The following NOL4L variants were observed in gnomAD, a reference collection of about 807,000 sequenced individuals.
The protein encoded by NOL4L is nucleolar protein 4 like.
Under a neutral mutation model 64.5 loss-of-function variants are expected in NOL4L, and 7 were observed. The ratio of observed to expected loss-of-function variants is 0.11; its 90% confidence interval spans 0.06 to 0.20. The LOEUF is 0.20. Ranked by LOEUF, NOL4L falls within the 10% of genes least tolerant of loss-of-function variation. The probability of loss-of-function intolerance (pLI) is 1.00; values close to 1 mark genes in which losing one functional copy is unlikely to be tolerated. For missense variants in NOL4L, 680 were observed against 967.1 expected, an observed-to-expected ratio of 0.70 and a Z score of 3.94; for synonymous variants, 413 against 401.0, an observed-to-expected ratio of 1.03 and a Z score of -0.36.
At chr20:32,485,230 A>T (rs2016038228) in intron 4 of NOL4L, among the ~76,000 whole-genome samples, 1 of 152,164 alleles carries the variant, frequency 6.6e-6, no homozygotes, top group Non-Finnish European at 1.5e-5. Context: ...AGACAGCCAC[A>T]GCGATTGTTT....
intron 2 of NOL4L, among the ~76,000 whole-genome samples, chr20:32,521,960 G>T (rs2017955990): frequency 1.3e-5 from 2 of 152,276 alleles, no homozygotes. Context: ...TTGGCCAAGG[G>T]TGAGGGGCTG....
chr20:32,496,187 G>C (rs1292548454), intron 4 of NOL4L, among the ~76,000 whole-genome samples: 1 of 152,158 alleles, frequency 6.6e-6, no homozygotes. Context: ...CCCCACTGCT[G>C]TTCCTACCCC....
intron 5 of NOL4L, among the ~76,000 whole-genome samples, chr20:32,468,917 A>AAAGAAAGAAAG (rs60432370): frequency 9.1e-6 from 1 of 109,760 alleles, no homozygotes; most frequent in African/African-American, 3.9e-5. Flanking sequence ...AAAAAAAAAA[A>AAAGAAAGAAAG]AAAGAAAGAA....
chr20:32,505,740 G>T (rs978413845), intron 4 of NOL4L, among the ~76,000 whole-genome samples: 3 of 152,130 alleles, frequency 2.0e-5, no homozygotes, highest in Admixed American at 2.0e-4. Flanking sequence ...AAGGAATAAA[G>T]TTCTGACACA....
At chr20:32,475,655 G>T (rs1275308505) in intron 4 of NOL4L, among the ~76,000 whole-genome samples, 2 of 152,238 alleles carry the variant, frequency 1.3e-5, no homozygotes, top group African/African-American at 4.8e-5. Context: ...GTAAAACCAA[G>T]AAAGATGACC....
At chr20:32,578,108 AAAGGAAGGAAGGAAGG>A (rs1333476438) in intron 1 of NOL4L, among the ~76,000 whole-genome samples, 1 of 88,282 alleles carries the variant, frequency 1.1e-5, no homozygotes, top group Non-Finnish European at 2.0e-5. Flanking sequence ...AGAAAGAGAG[AAAGGAAGGAAGGAAGG>A]AAGGAAGGAA....
chr20:32,452,203 G>A (rs1222043897), intron 10 of NOL4L, 33 bp downstream of exon 10: 2 of 1,489,012 alleles, frequency 1.3e-6, no homozygotes, highest in Non-Finnish European at 1.8e-6. Flanking sequence ...GGTGCTGGTC[G>A]GGAAGCCAGA....
At chr20:32,569,496 A>C (rs1002624717) in intron 1 of NOL4L, among the ~76,000 whole-genome samples, 5 of 152,194 alleles carry the variant, frequency 3.3e-5, no homozygotes, top group African/African-American at 1.2e-4. Flanking sequence ...GAGCTGGGGT[A>C]GGAGGTAGTG....
In NOL4L at chr20:32,474,601, C is replaced by T. The variant is rs778775343; in HGVS notation, c.841G>A (p.Asp281Asn). ...TCAACTGCCACCAAGGGGCACTCAC[C>T]GTCCTCTTGACTGTGGAGGTTCTGC... The part of the protein sequence containing the change: ...SPQNLHSQED[D>N]DSSSESGSGN... The change falls in exon 5 of 11, where the codon GAT becomes AAT. Residue 281 changes from aspartate to asparagine, a missense_variant and splice_region_variant. By Grantham distance (23) the Asp-to-Asn change is conservative. This residue lies in a region of NOL4L where 254 missense variants were observed against 238.7 expected (regional missense o/e 1.06). Transcript: ENST00000621426. 5.0e-6 allele frequency: 8 copies of T among 1,609,520 alleles called. No homozygotes were observed. The highest frequency in any genetic ancestry group is 1.7e-5 in the Admixed American group (1 of 59,810).
Position 32,447,676 on chromosome 20 carries a change from T to C in NOL4L, c.1963A>G (p.Ile655Val), listed in dbSNP as rs754219166. ...PTEISAVRQL[I>V]AGYRESAAFL... ...GCAGCAGACTCCCGGTAGCCCGCGATGAGCTGCCGCACGGCGCTGATCTCC... is the reference window on the plus strand; with the variant it reads ...GCAGCAGACTCCCGGTAGCCCGCGACGAGCTGCCGCACGGCGCTGATCTCC... Residue 655 changes from isoleucine to valine, a missense_variant, in exon 11 of 11, where the codon ATC becomes GTC. Coordinates refer to ENST00000621426, the MANE Select transcript of NOL4L (RefSeq NM_001256798.2). The C allele has an allele frequency of 1.2e-6, 2 of 1,611,882 alleles. No individual in the cohort carries two copies. Among genetic ancestry groups the C allele is most frequent in the Admixed American group, 3.3e-5 (2 of 59,922 alleles).
At chr20:32,472,669 G>A (rs1163501602) in intron 5 of NOL4L, among the ~76,000 whole-genome samples, 2 of 152,154 alleles carry the variant, frequency 1.3e-5, no homozygotes, top group African/African-American at 2.4e-5. Flanking sequence ...CAGGCCCACA[G>A]GCCCAGAAGA....
At chr20:32,554,633 G>A (rs1978536907) in intron 1 of NOL4L, among the ~76,000 whole-genome samples, 1 of 152,110 alleles carries the variant, frequency 6.6e-6, no homozygotes, top group Non-Finnish European at 1.5e-5. Context: ...CCTCTCCTGG[G>A]AAACCCCCCA....
chr20:32,474,505 G>A (rs754923441), intron 5 of NOL4L, 96 bp downstream of exon 5: 36 of 1,420,754 alleles, frequency 2.5e-5, no homozygotes, highest in South Asian at 2.9e-5. Flanking sequence ...CCCAGATTCC[G>A]CCACCCTGGA....
chr20:32,518,791 T>G (rs1030383551), intron 3 of NOL4L, among the ~76,000 whole-genome samples: 4 of 151,836 alleles, frequency 2.6e-5, no homozygotes, highest in African/African-American at 9.7e-5. Flanking sequence ...GGGTGGAGAG[T>G]GGGGCAGGGA....
Position 32,569,955 on chromosome 20 carries a change from T to C in NOL4L, c.321+14615A>G, listed in dbSNP as rs541668005. ...CCCTGTATCATTTGCCGGTAGTTTC[T>C]TGTGTTAGTCTGAGTTCCTTAAAAT... On this transcript the variant is annotated intron_variant, in intron 1 of 10. Coordinates refer to ENST00000621426, the MANE Select transcript of NOL4L (RefSeq NM_001256798.2). 4.6e-5 allele frequency among the ~76,000 whole-genome samples: 7 copies of C among 152,312 alleles called. No individual in the cohort carries two copies. In the East Asian group the frequency reaches 1.4e-3, roughly 29 times the overall value.
At chr20:32,506,023 G>T (rs773012958) in intron 4 of NOL4L, among the ~76,000 whole-genome samples, 2 of 152,148 alleles carry the variant, frequency 1.3e-5, no homozygotes, top group Non-Finnish European at 2.9e-5. Context: ...ATACTTAAAC[G>T]TGGTTAAAAT....
chr20:32,560,561 CA>C (rs1978947301), intron 1 of NOL4L, among the ~76,000 whole-genome samples: 1 of 152,228 alleles, frequency 6.6e-6, no homozygotes, highest in Admixed American at 6.5e-5. Flanking sequence ...ATGTGGCAGG[CA>C]CTGTGCCTAA....
At position 32,445,237 on chromosome 20, in the gene NOL4L, G is replaced by C. The variant is rs2012278737; in HGVS notation, c.*2359C>G. 1 of 152,230 alleles carries C rather than the reference G, an allele frequency of 6.6e-6. No individual in the cohort carries two copies. Among genetic ancestry groups the C allele is most frequent in the African/African-American group, 2.4e-5 (1 of 41,466 alleles). 9.4% of individuals were successfully genotyped at this position (152,230 alleles called of 1,614,324 possible). ...GGAGGGTGGTCAGTTCCAACAGCTT[G>C]AACTCAGAAAAACATGACTTCAAAC... is the stretch of plus-strand genomic sequence containing the variant. On this transcript the variant is annotated 3_prime_UTR_variant, in exon 11 of 11. Transcript: ENST00000621426.
In NOL4L at chr20:32,447,403, CAAAAAAAAAAAAAAA is replaced by C. The variant is rs386393630; in HGVS notation, c.*178_*192del. ...TCAGAGCACCCGTGTGGTGAGATTC[CAAAAAAAAAAAAAAA>C]AAAAAAAAAAAGTGTCCTTGTGCCC... On this transcript the variant is annotated 3_prime_UTR_variant, in exon 11 of 11. Coordinates refer to ENST00000621426, the MANE Select transcript of NOL4L (RefSeq NM_001256798.2). 9 of 151,836 alleles carry C rather than the reference CAAAAAAAAAAAAAAA, an allele frequency of 5.9e-5. 1 individual carries two copies. The highest frequency in any genetic ancestry group is 2.2e-4 in the African/African-American group (3 of 13,416). The allele number at this position is 151,836 out of a possible 1,614,324, so 9.4% of individuals were successfully genotyped here.
Sources: gnomAD v4.1 joint callset for allele counts (sites outside exome capture counted in the v4.1 genomes callset) on GRCh38, gnomAD v4.1.1 for gene constraint, gnomAD v4.1.1 regional missense constraint, MANE v1.5 for transcripts, NCBI Gene and HGNC (gene_info 2026-07-23, HGNC 2026-07-21) for gene names.